The following C4orf51 variants were observed in gnomAD, a reference collection of about 807,000 sequenced individuals.
C4orf51 encodes the protein chromosome 4 open reading frame 51.
C4orf51 carries 25 observed loss-of-function variants against 25.2 expected under a neutral mutation model. That is an observed-to-expected ratio of 0.99 (90% CI 0.72 to 1.39). The LOEUF is 1.39. Ranked by LOEUF, C4orf51 falls within the 40% of genes most tolerant of loss-of-function variation. C4orf51 has a pLI of 0.00. For synonymous variants in C4orf51, 100 were observed against 84.5 expected (o/e 1.18, Z -1.01); for missense variants, 252 against 239.6 (o/e 1.05, Z -0.34).
intron 2 of C4orf51, among the ~76,000 whole-genome samples, chr4:145,719,306 G>A (rs749071971): frequency 1.3e-5 from 2 of 152,078 alleles, no homozygotes; most frequent in African/African-American, 2.4e-5. Flanking sequence ...AAAACATAGT[G>A]TATAGAAGCA....
intron 1 of C4orf51, among the ~76,000 whole-genome samples, chr4:145,738,254 A>G (rs1732908623): frequency 6.6e-6 from 1 of 152,160 alleles, no homozygotes; most frequent in African/African-American, 2.4e-5. Flanking sequence ...GTTCAAGACC[A>G]GCCTGACCAA....
chr4:145,733,859 G>A (rs1467825717), downstream of C4orf51, among the ~76,000 whole-genome samples: 1 of 152,156 alleles, frequency 6.6e-6, no homozygotes, highest in Non-Finnish European at 1.5e-5. Context: ...GACATCCCAG[G>A]CAGAAGGAGA....
chr4:145,790,417 G>A, the C4orf51 span, among the ~76,000 whole-genome samples: 11 of 152,242 alleles, frequency 7.2e-5, no homozygotes, highest in Middle Eastern at 3.4e-3. Context: ...GAAATACTCT[G>A]AGTTTAGAAA....
downstream of C4orf51, chr4:145,757,822 C>T (rs1251687394): frequency 1.3e-5 from 2 of 151,850 alleles, no homozygotes; most frequent in African/African-American, 2.4e-5. Context: ...ACAGTATGAT[C>T]ATCTGAACAT....
Position 145,765,404 on chromosome 4 carries a change from T to C in C4orf51, n.167-5584T>C, listed in dbSNP as rs559476102. ...CGGATTCAAATTAAGCCAAAAGAAA[T>C]ACAACCTTTAGGTGAGGCCCAGCAT... On this transcript the variant is annotated intron_variant and non_coding_transcript_variant, in intron 1 of 1. Transcript: ENST00000510096. This position sits in a 1 kb window ranked among gnomAD's most constrained non-coding sequence, Gnocchi z 4.7. 8.9e-7 allele frequency: 1 copy of C among 1,121,774 alleles called. No homozygotes were observed. Among genetic ancestry groups the C allele is most frequent in the Non-Finnish European group, 1.2e-6 (1 of 806,418 alleles). 69.5% of individuals were successfully genotyped at this position (1,121,774 alleles called of 1,614,324 possible).
At chr4:145,773,339 T>G (rs1238014671), downstream of C4orf51, among the ~76,000 whole-genome samples, 1 of 152,162 alleles carries the variant, frequency 6.6e-6, no homozygotes, top group East Asian at 1.9e-4. Context: ...CTGCTCAATT[T>G]ACTGACAAAA....
At chr4:145,683,907 C>A (rs1413180978) in intron 1 of C4orf51, among the ~76,000 whole-genome samples, 1 of 152,084 alleles carries the variant, frequency 6.6e-6, no homozygotes, top group Non-Finnish European at 1.5e-5. Flanking sequence ...AGCTGAATTT[C>A]ATTAAAATTA....
chr4:145,685,208 A>C (rs571852795), intron 1 of C4orf51, among the ~76,000 whole-genome samples: 38 of 152,214 alleles, frequency 2.5e-4, no homozygotes, highest in Non-Finnish European at 4.4e-4. Context: ...AAAATCTATA[A>C]ATCAATTTGG....
chr4:145,683,484 A>T (rs1036122209), intron 1 of C4orf51, among the ~76,000 whole-genome samples: 1 of 152,238 alleles, frequency 6.6e-6, no homozygotes, highest in Non-Finnish European at 1.5e-5. Context: ...GAGGACTGAC[A>T]CTACCCAACT....
At chr4:145,732,924 G>A, downstream of C4orf51, 1 of 163,322 alleles carries the variant, frequency 6.1e-6, no homozygotes, top group Non-Finnish European at 1.3e-5. Flanking sequence ...AGGGGCGTGA[G>A]AAATGCTCTT....
chr4:145,764,957 C>T (rs1415386757), intron 1 of C4orf51: 1 of 1,608,630 alleles, frequency 6.2e-7, no homozygotes, highest in East Asian at 2.2e-5. Flanking sequence ...AATAACAACG[C>T]AGTAAAAGGT....
chr4:145,691,056 T>G (rs28882086), intron 1 of C4orf51, among the ~76,000 whole-genome samples: 2 of 151,802 alleles, frequency 1.3e-5, no homozygotes, highest in African/African-American at 4.8e-5. Context: ...GAGGCTATAG[T>G]GAGCTATGAT....
In C4orf51 at chr4:145,707,094, G is replaced by A. The variant is rs189286505; in HGVS notation, c.307+10462G>A. On this transcript the variant is annotated intron_variant, in intron 2 of 5. Coordinates refer to ENST00000438731, the MANE Select transcript of C4orf51 (RefSeq NM_001080531.3). ...GGCCTCCCAAAGTGCTGGGCCACCA[G>A]GCATGAGCCAATTTTTTTTATTTTT... Among the ~76,000 whole-genome samples, 285 of 152,264 alleles carry A rather than the reference G, an allele frequency of 1.9e-3. 2 individuals are homozygous for A. In the Middle Eastern group the frequency reaches 0.027, roughly 15 times the overall value.
chr4:145,688,312 T>C (rs1040485219), intron 1 of C4orf51, among the ~76,000 whole-genome samples: 2 of 151,670 alleles, frequency 1.3e-5, no homozygotes, highest in Non-Finnish European at 2.9e-5. Flanking sequence ...CAGAAGACAT[T>C]AGAGAAAATA....
the C4orf51 span, among the ~76,000 whole-genome samples, chr4:145,792,304 T>C: frequency 6.6e-6 from 1 of 152,060 alleles, no homozygotes; most frequent in African/African-American, 2.4e-5. Context: ...CCTACTCCTA[T>C]TGACAAAGAG....
intron 2 of C4orf51, among the ~76,000 whole-genome samples, chr4:145,700,575 A>C (rs147170858): frequency 2.0e-4 from 30 of 152,250 alleles, no homozygotes; most frequent in African/African-American, 6.0e-4. Flanking sequence ...CCATCCTACA[A>C]GATCTGAATA....
chr4:145,779,542 A>C, the C4orf51 span: 1 of 1,607,180 alleles, frequency 6.2e-7, no homozygotes. Flanking sequence ...ATCATGAGAA[A>C]TAAGGCAACA....
At chr4:145,775,700 T>C, downstream of C4orf51, 2 of 1,500,062 alleles carry the variant, frequency 1.3e-6, no homozygotes, top group Non-Finnish European at 1.8e-6. Flanking sequence ...AAAAGGGGCC[T>C]CGTGATGTAT....
chr4:145,739,086 T>C (rs566800047), intron 1 of C4orf51, among the ~76,000 whole-genome samples: 4 of 152,356 alleles, frequency 2.6e-5, no homozygotes, highest in Admixed American at 2.0e-4. Context: ...TTAGATGCTC[T>C]AAAGTCTTGC....
Sources: allele counts gnomAD v4.1 joint callset (sites outside exome capture counted in the v4.1 genomes callset), GRCh38; gene constraint gnomAD v4.1.1; non-coding constraint Gnocchi (gnomAD v3.1); transcripts MANE v1.5; gene names NCBI Gene and HGNC (gene_info 2026-07-23, HGNC 2026-07-21).